DMD: variants seen among roughly 807,000 people sequenced by gnomAD.
DMD encodes the protein dystrophin, also known as mutant dystrophin.
DMD carries 63 observed loss-of-function variants against 330.1 expected under a neutral mutation model. The ratio of observed to expected loss-of-function variants is 0.19; its 90% CI spans 0.16 to 0.24. The LOEUF (loss-of-function observed/expected upper bound fraction) is 0.24. DMD is among the 10% of genes least tolerant of loss of function. The pLI, the probability that DMD is intolerant of heterozygous loss-of-function variation, is 1.00. For synonymous variants in DMD, 1,223 were observed against 959.8 expected, an observed-to-expected ratio of 1.27 and a Z score of -5.07; for missense variants, 3,344 against 2,684.1, an observed-to-expected ratio of 1.25 and a Z score of -5.43.
chrX:31,421,187 G>A (rs145277514), intron 60 of DMD, among the ~76,000 whole-genome samples: 5 of 111,670 alleles, frequency 4.5e-5, no homozygotes, highest in African/African-American at 9.8e-5. Context: ...TGCCTTTCAC[G>A]TCCCCTCCCC....
chrX:31,314,368 AG>A (rs750994797), intron 62 of DMD, among the ~76,000 whole-genome samples: 5 of 112,394 alleles, frequency 4.4e-5, no homozygotes, highest in Non-Finnish European at 9.4e-5. Flanking sequence ...TTCCTTCTAA[AG>A]CAACAAAGAA....
At chrX:31,354,485 C>T in intron 60 of DMD, among the ~76,000 whole-genome samples, 1 of 110,832 alleles carries the variant, frequency 9.0e-6, no homozygotes, top group Non-Finnish European at 1.9e-5. Context: ...GCCTATAATA[C>T]TAGATTTAAA....
At chrX:32,955,351 G>C (rs773653842) in intron 2 of DMD, among the ~76,000 whole-genome samples, 1 of 102,565 alleles carries the variant, frequency 9.7e-6, no homozygotes, top group Non-Finnish European at 2.0e-5. Context: ...TTTGAGAAGT[G>C]TCTGTTCATG....
At chrX:33,233,342 A>G (rs1205974173) in intron 1 of DMD, among the ~76,000 whole-genome samples, 13 of 112,096 alleles carry the variant, frequency 1.2e-4, no homozygotes, top group African/African-American at 3.6e-4. Flanking sequence ...CCTGTACATT[A>G]GGGTTCACAG....
At chrX:32,738,426 C>G (rs1352150823) in intron 7 of DMD, among the ~76,000 whole-genome samples, 1 of 111,680 alleles carries the variant, frequency 9.0e-6, no homozygotes, top group African/African-American at 3.3e-5. Flanking sequence ...TCCTTTCTCT[C>G]CTCAACAGTT....
At chrX:32,725,949 T>A (rs1013383642) in intron 7 of DMD, among the ~76,000 whole-genome samples, 1 of 111,074 alleles carries the variant, frequency 9.0e-6, no homozygotes, top group Admixed American at 9.6e-5. Flanking sequence ...GTCTCTCTCT[T>A]TCTATACATA....
chrX:31,246,514 A>G lies in DMD; in HGVS notation c.9286+14441T>C, dbSNP rs906576438. ...TTTCATAGCTCTAGAGGAGAAATCAATGACTGCCTTCAAAGCTTCAATGGA... is the reference window on the plus strand; with the variant it reads ...TTTCATAGCTCTAGAGGAGAAATCAGTGACTGCCTTCAAAGCTTCAATGGA... On this transcript the variant is annotated intron_variant, in intron 63 of 78. Transcript: ENST00000357033. Among the ~76,000 whole-genome samples, 3 of 112,551 alleles carry G rather than the reference A, an allele frequency of 2.7e-5. No homozygotes were observed. The Admixed American group carries it at 2.8e-4, about 11-fold the overall frequency.
At chrX:31,432,101 C>T (rs1291772666) in intron 60 of DMD, among the ~76,000 whole-genome samples, 1 of 112,096 alleles carries the variant, frequency 8.9e-6, no homozygotes, top group Non-Finnish European at 1.9e-5. Flanking sequence ...GTGTGAGCCA[C>T]CGCACCTGGC....
At chrX:31,277,512 A>C (rs993840065) in intron 62 of DMD, among the ~76,000 whole-genome samples, 2 of 111,591 alleles carry the variant, frequency 1.8e-5, no homozygotes, top group African/African-American at 6.5e-5. Context: ...CAAGTCTGGA[A>C]TGACTTAGAT....
chrX:31,776,382 C>T (rs1175832763), intron 50 of DMD, among the ~76,000 whole-genome samples: 1 of 108,778 alleles, frequency 9.2e-6, no homozygotes, highest in Non-Finnish European at 1.9e-5. Context: ...CAAATAAGAG[C>T]AGAGACAAGA....
chrX:32,249,043 G>A (rs993872726), intron 43 of DMD, among the ~76,000 whole-genome samples: 6 of 110,047 alleles, frequency 5.5e-5, no homozygotes, highest in African/African-American at 2.0e-4. Context: ...GAAGTGAAAG[G>A]CCAATTCTTA....
chrX:31,243,887 G>A (rs2048587925), intron 63 of DMD, among the ~76,000 whole-genome samples: 1 of 112,361 alleles, frequency 8.9e-6, no homozygotes, highest in African/African-American at 3.2e-5. Context: ...TAGAAAAATT[G>A]GAAACGACTA....
chrX:32,241,210 C>T (rs1333222066), intron 43 of DMD, among the ~76,000 whole-genome samples: 4 of 112,134 alleles, frequency 3.6e-5, no homozygotes, highest in Non-Finnish European at 5.6e-5. Context: ...GTTCTCTCTC[C>T]TCAGGTATCC....
At chrX:32,503,909 C>G (rs1437420250) in intron 18 of DMD, among the ~76,000 whole-genome samples, 1 of 111,519 alleles carries the variant, frequency 9.0e-6, no homozygotes, top group African/African-American at 3.3e-5. Flanking sequence ...AAGTGGGAGA[C>G]CTGACGATAT....
chrX:32,781,971 C>G (rs2074810673), intron 7 of DMD, among the ~76,000 whole-genome samples: 1 of 111,438 alleles, frequency 9.0e-6, no homozygotes, highest in Non-Finnish European at 1.9e-5. Context: ...TCTTAATACA[C>G]TCAGTATTCA....
At chrX:33,133,122 G>A (rs2095508386) in intron 1 of DMD, among the ~76,000 whole-genome samples, 1 of 108,627 alleles carries the variant, frequency 9.2e-6, no homozygotes, top group East Asian at 2.9e-4. Flanking sequence ...AAATAGTAGT[G>A]GTTAAAAAAA....
intron 1 of DMD, among the ~76,000 whole-genome samples, chrX:33,170,531 A>G (rs2049283182): frequency 9.0e-6 from 1 of 111,464 alleles, no homozygotes. Flanking sequence ...TGATACCCAC[A>G]TTACAAATAA....
intron 45 of DMD, among the ~76,000 whole-genome samples, chrX:31,964,098 C>T (rs992340746): frequency 3.6e-5 from 4 of 111,514 alleles, no homozygotes; most frequent in Admixed American, 1.9e-4. Context: ...GAAGTATTCT[C>T]GCCAAACATG....
chrX:31,150,913 A>C (rs1351311336), intron 74 of DMD, among the ~76,000 whole-genome samples: 2 of 112,038 alleles, frequency 1.8e-5, no homozygotes, highest in African/African-American at 6.5e-5. Flanking sequence ...AATTTATTTA[A>C]AGTCACACAG....
Sources: allele counts gnomAD v4.1 joint callset (sites outside exome capture counted in the v4.1 genomes callset), GRCh38; gene constraint gnomAD v4.1.1; transcripts MANE v1.5; gene names NCBI Gene and HGNC (gene_info 2026-07-23, HGNC 2026-07-21).